Variants in DCP1B observed in about 807,000 individuals in gnomAD.
DCP1B encodes mRNA-decapping enzyme 1B.
A neutral mutation model predicts 60.5 loss-of-function variants in DCP1B; 47 were observed. The ratio of observed to expected loss-of-function variants is 0.78; its 90% CI spans 0.61 to 0.99. The LOEUF is 0.99. Among genes scored for constraint, DCP1B ranks in the 50% least tolerant of loss-of-function variants. The pLI is 0.00. For missense variants in DCP1B, 725 were observed against 756.8 expected (o/e 0.96, Z 0.49); for synonymous variants, 267 against 280.3 (o/e 0.95, Z 0.47).
Position 1,952,602 on chromosome 12 carries a change from C to A in DCP1B, c.1338G>T (p.Val446=), listed in dbSNP as rs754204715. The A allele has an allele frequency of 2.5e-6, 4 of 1,614,154 alleles. No individual in the cohort carries two copies. Among genetic ancestry groups the A allele is most frequent in the Non-Finnish European group, 3.4e-6 (4 of 1,180,008 alleles). The change falls in exon 7 of 9, where the codon GTG becomes GTT. Residue 446 remains valine (V), a synonymous_variant. Coordinates refer to ENST00000280665, the MANE Select transcript of DCP1B (RefSeq NM_152640.5). ...ISGSQTGSSG[V]ISPQELLKKL... The stretch of plus-strand genomic sequence containing the variant: ...TCTTCAGTAACTCTTGAGGGGAGAT[C>A]ACTCCAGAGCTGCCAGTCTGACTAC...
intron 3 of DCP1B, chr12:1,991,992 C>A: frequency 4.3e-6 from 1 of 231,930 alleles, no homozygotes; most frequent in South Asian, 4.9e-5. Flanking sequence ...CAAAAAAAAC[C>A]CTGACATAAC....
chr12:2,003,117 G>A (rs2042566419), intron 1 of DCP1B, among the ~76,000 whole-genome samples: 1 of 152,172 alleles, frequency 6.6e-6, no homozygotes. Flanking sequence ...TAAGAACTTT[G>A]GGCAAAACTG....
chr12:1,954,663 C>T (rs1197741430), intron 6 of DCP1B, among the ~76,000 whole-genome samples: 3 of 152,070 alleles, frequency 2.0e-5, no homozygotes, highest in African/African-American at 7.2e-5. Context: ...TCTGAGCTCT[C>T]GGCGGCAGCT....
At chr12:1,979,169 A>G (rs1353204486) in intron 3 of DCP1B, among the ~76,000 whole-genome samples, 1 of 151,994 alleles carries the variant, frequency 6.6e-6, no homozygotes, top group African/African-American at 2.4e-5. Flanking sequence ...CCCGCCATCG[A>G]GCCTGGCTAA....
chr12:1,943,358 A>G (rs1592770641), downstream of DCP1B, among the ~76,000 whole-genome samples: 1 of 152,240 alleles, frequency 6.6e-6, no homozygotes, highest in African/African-American at 2.4e-5. Flanking sequence ...TACCAGAGGT[A>G]CAAAGAGGAG....
rs1466015840 is a variant in DCP1B, at chr12:1,962,243, G to A, written c.522+3315C>T. ...GCAGAGGAATATTGTACAGGCCAGAGACGAGGAGATACGTATGGCTCAGGA... is the reference window on the plus strand; with the variant it reads ...GCAGAGGAATATTGTACAGGCCAGAAACGAGGAGATACGTATGGCTCAGGA... On this transcript the variant is annotated intron_variant, in intron 5 of 8. Coordinates refer to ENST00000280665, the MANE Select transcript of DCP1B (RefSeq NM_152640.5). This position sits in a 1 kb window ranked among gnomAD's most constrained non-coding sequence, Gnocchi z 4.4. Among the ~76,000 whole-genome samples the A allele has an allele frequency of 1.3e-5, 2 of 152,178 alleles. No individual in the cohort carries two copies. The highest frequency in any genetic ancestry group is 2.9e-5 in the Non-Finnish European group (2 of 68,032).
In DCP1B at chr12:1,949,401, G is replaced by A. The variant is rs151115357; in HGVS notation, c.1525-67C>T. On this transcript the variant is annotated intron_variant, in intron 7 of 8. Coordinates refer to ENST00000280665, the MANE Select transcript of DCP1B (RefSeq NM_152640.5). ...AGCTCACGGCATGATAGCTTGCAGCGGCAGATACGGGTGGTCTAAGCATTC... is the reference window on the plus strand; with the variant it reads ...AGCTCACGGCATGATAGCTTGCAGCAGCAGATACGGGTGGTCTAAGCATTC... 5.1e-4 allele frequency: 801 copies of A among 1,584,374 alleles called. 3 individuals carry two copies. In the African/African-American group the frequency reaches 5.5e-3, roughly 11 times the overall value.
At chr12:1,950,833 G>T (rs1038149400) in intron 7 of DCP1B, among the ~76,000 whole-genome samples, 4 of 152,084 alleles carry the variant, frequency 2.6e-5, no homozygotes, top group Non-Finnish European at 4.4e-5. Flanking sequence ...AAAAATTCTT[G>T]TAGAGACAGG....
intron 3 of DCP1B, among the ~76,000 whole-genome samples, chr12:1,969,030 C>T (rs1239458606): frequency 6.6e-6 from 1 of 152,116 alleles, no homozygotes; most frequent in Non-Finnish European, 1.5e-5. Context: ...ATTAACTACA[C>T]ACACATTTAA....
intron 3 of DCP1B, among the ~76,000 whole-genome samples, chr12:1,968,352 CAA>C (rs112698192): frequency 0.017 from 1,532 of 90,986 alleles, 26 homozygotes; most frequent in African/African-American, 0.053. Flanking sequence ...AACTCTGTCT[CAA>C]AAAAAAAAAA....
chr12:1,967,668 C>T (rs2031356243), intron 4 of DCP1B, among the ~76,000 whole-genome samples, 176 bp downstream of exon 4: 2 of 152,194 alleles, frequency 1.3e-5, no homozygotes, highest in Non-Finnish European at 1.5e-5. Flanking sequence ...GAAACTGCGG[C>T]AAGTTGTTCT....
chr12:1,989,964 A>G (rs1277190552), intron 3 of DCP1B, among the ~76,000 whole-genome samples: 2 of 152,210 alleles, frequency 1.3e-5, no homozygotes, highest in Non-Finnish European at 2.9e-5. Context: ...TCAAGGCTAA[A>G]AAAACTTGCT....
At chr12:1,984,279 T>C (rs922363778) in intron 3 of DCP1B, among the ~76,000 whole-genome samples, 3 of 152,082 alleles carry the variant, frequency 2.0e-5, no homozygotes, top group African/African-American at 7.2e-5. Context: ...ATTTTTTGTT[T>C]AATGTTTGTC....
downstream of DCP1B, chr12:1,945,982 G>C (rs1565757755): frequency 2.7e-6 from 1 of 364,816 alleles, no homozygotes; most frequent in East Asian, 4.9e-5. Context: ...GTATACCTAT[G>C]TAACAAACCT....
intron 3 of DCP1B, among the ~76,000 whole-genome samples, chr12:1,985,845 C>T (rs1360839276): frequency 3.9e-5 from 6 of 152,246 alleles, no homozygotes; most frequent in Admixed American, 3.3e-4. Flanking sequence ...GAGTCTCCCT[C>T]TGTCGCCCAG....
chr12:1,980,098 C>G (rs1393838865), intron 3 of DCP1B, among the ~76,000 whole-genome samples: 1 of 152,186 alleles, frequency 6.6e-6, no homozygotes, highest in Non-Finnish European at 1.5e-5. Context: ...ATGTCCCCAT[C>G]AATTTCACTC....
At chr12:1,969,903 A>C (rs2031791219) in intron 3 of DCP1B, among the ~76,000 whole-genome samples, 1 of 152,118 alleles carries the variant, frequency 6.6e-6, no homozygotes, top group Non-Finnish European at 1.5e-5. Flanking sequence ...TTCCTTGAAG[A>C]CTGACTTTTC....
At chr12:1,945,986 C>CA (rs2030404494), downstream of DCP1B, 1 of 371,620 alleles carries the variant, frequency 2.7e-6, no homozygotes, top group Non-Finnish European at 4.8e-6. Context: ...ACCTATGTAA[C>CA]AAACCTGCAT....
rs1055922924 is a variant in DCP1B at position 1,990,848 on chromosome 12, G to A, written c.319+2416C>T. Among the ~76,000 whole-genome samples, 20 of 152,064 alleles carry A rather than the reference G, an allele frequency of 1.3e-4. 1 individual carries two copies. The highest frequency in any genetic ancestry group is 5.2e-4 in the Admixed American group (8 of 15,270). On this transcript the variant is annotated intron_variant, in intron 3 of 8. Coordinates refer to ENST00000280665, the MANE Select transcript of DCP1B (RefSeq NM_152640.5). ...TTGAATTCTATTAAAACGTTTAAGA[G>A]GTATCTGACACTCTGACAGCACCTG... is the stretch of plus-strand genomic sequence containing the variant.
Sources: allele counts gnomAD v4.1 joint callset (sites outside exome capture counted in the v4.1 genomes callset), GRCh38; gene constraint gnomAD v4.1.1; non-coding constraint Gnocchi (gnomAD v3.1); transcripts MANE v1.5; gene names NCBI Gene and HGNC (gene_info 2026-07-23, HGNC 2026-07-21).